The following PCSK7 variants were observed in gnomAD, a reference collection of about 807,000 sequenced individuals.
PCSK7 encodes lymphoma proprotein convertase.
A neutral mutation model predicts 73.3 loss-of-function variants in PCSK7; 38 were observed. The observed-to-expected ratio is 0.52, with a 90% confidence interval of 0.40 to 0.68. The LOEUF (loss-of-function observed/expected upper bound fraction) is 0.68. PCSK7 is among the 30% of genes least tolerant of loss of function. The pLI, the probability that PCSK7 is intolerant of heterozygous loss-of-function variation, is 0.00. For missense variants in PCSK7, 692 were observed against 991.5 expected (o/e 0.70, Z 4.06); for synonymous variants, 296 against 383.8 (o/e 0.77, Z 2.68).
Position 117,218,502 on chromosome 11 carries a change from G to T in PCSK7, c.1498C>A (p.Pro500Thr). 1 of 1,609,996 alleles carries T rather than the reference G, an allele frequency of 6.2e-7. No individual in the cohort carries two copies. Among genetic ancestry groups the T allele is most frequent in the Non-Finnish European group, 8.5e-7 (1 of 1,177,868 alleles). ...ACCTCCAGGGAACGGGGGGACTGCGGAATCGCCTTGTTTTCTTTTAACACG... is the reference window on the plus strand; with the variant it reads ...ACCTCCAGGGAACGGGGGGACTGCGTAATCGCCTTGTTTTCTTTTAACACG... ...SPVLKENKAI[P>T]QSPRSLEVLW... The change falls in exon 12 of 17, where the codon CCG becomes ACG. Residue 500 changes from proline (P) to threonine (T), a missense_variant. By Grantham distance (38) the Pro-to-Thr change is conservative (BLOSUM62 -1). This residue lies in a region of PCSK7 where 574 missense variants were observed against 689.8 expected (regional missense o/e 0.83). Coordinates refer to ENST00000320934, the MANE Select transcript of PCSK7 (RefSeq NM_004716.4). This position sits in a 1 kb window ranked among gnomAD's most constrained non-coding sequence, Gnocchi z 4.0.
rs1208184526 is a variant in PCSK7, at chr11:117,204,533, C to T, written c.*1464G>A. The T allele has an allele frequency of 2.1e-6, 2 of 965,950 alleles. No homozygotes were observed. The highest frequency in any genetic ancestry group is 2.6e-5 in the East Asian group (1 of 38,090). The allele number at this position is 965,950 out of a possible 1,614,324, so 59.8% of individuals were successfully genotyped here. ...GGCAGCTCCTCCCTGTGCCCCCAGC[C>T]TCAGCCCAACTTCTTACCCGAAAGC... On this transcript the variant is annotated 3_prime_UTR_variant, in exon 17 of 17. Coordinates refer to ENST00000320934, the MANE Select transcript of PCSK7 (RefSeq NM_004716.4).
At chr11:117,213,935 T>TTTTTC (rs139694434) in intron 12 of PCSK7, 4 of 145,206 alleles carry the variant, frequency 2.8e-5, no homozygotes, top group Non-Finnish European at 5.9e-5. Flanking sequence ...GCCCATAATC[T>TTTTTC]TTTTCTTTTC....
intron 9 of PCSK7, chr11:117,222,490 G>A (rs1405560694): frequency 6.6e-6 from 1 of 152,090 alleles, no homozygotes; most frequent in African/African-American, 2.4e-5. Flanking sequence ...AGAACTCACA[G>A]TATTTACCTA....
intron 10 of PCSK7, 55 bp downstream of exon 10, chr11:117,219,536 C>T (rs989188480): frequency 2.6e-6 from 4 of 1,546,226 alleles, no homozygotes; most frequent in Middle Eastern, 1.9e-4. Flanking sequence ...CCACCTGATA[C>T]CCGAACTCTG....
chr11:117,220,306 G>A (rs2032141055), intron 9 of PCSK7: 1 of 152,566 alleles, frequency 6.6e-6, no homozygotes, highest in South Asian at 2.1e-4. Context: ...GCAGTGGTAA[G>A]ATCATAGCTC....
At chr11:117,224,989 G>A in intron 6 of PCSK7, 1 of 486,946 alleles carries the variant, frequency 2.1e-6, no homozygotes, top group Non-Finnish European at 3.7e-6. Flanking sequence ...TGTCCCCATA[G>A]CCCATAGTGG....
At chr11:117,230,738 G>A (rs1312296786) in intron 1 of PCSK7, among the ~76,000 whole-genome samples, 3 of 152,176 alleles carry the variant, frequency 2.0e-5, no homozygotes, top group Admixed American at 1.3e-4. Flanking sequence ...AATGCCTCTT[G>A]AAAGAGTAGG....
chr11:117,218,939 T>TC lies in PCSK7; in HGVS notation c.1431+117dup. ...TGGGATGAAGGTTGAAGTTGTTAAA[T>TC]CAATGAACTGAATGAACATTTACTA... On this transcript the variant is annotated intron_variant, in intron 11 of 16. Transcript: ENST00000320934. The surrounding 1 kb of genome is among the most constrained non-coding windows in gnomAD (Gnocchi z 4.0). 1 of 633,842 alleles carries TC rather than the reference T, an allele frequency of 1.6e-6. No individual in the cohort carries two copies. The highest frequency in any genetic ancestry group is 2.7e-6 in the Non-Finnish European group (1 of 365,996). The allele number at this position is 633,842 out of a possible 1,614,324, so 39.3% of individuals were successfully genotyped here.
chr11:117,224,373 T>C (rs2032327707), intron 7 of PCSK7, among the ~76,000 whole-genome samples, 157 bp from the exon 8 acceptor site: 1 of 152,142 alleles, frequency 6.6e-6, no homozygotes, highest in East Asian at 1.9e-4. Flanking sequence ...ACCCCGCATG[T>C]GAGGGAGCTG....
At chr11:117,219,481 GAA>G in intron 10 of PCSK7, 108 bp downstream of exon 10, 1 of 1,082,436 alleles carries the variant, frequency 9.2e-7, no homozygotes, top group Non-Finnish European at 1.3e-6. Context: ...AAGGGACTCT[GAA>G]AGAGACTTAG....
At chr11:117,226,435 C>T (rs890112498) in intron 5 of PCSK7, 5 of 188,888 alleles carry the variant, frequency 2.6e-5, no homozygotes, top group East Asian at 2.6e-4. Context: ...ATAGCCCCCA[C>T]GCCCAGCCCA....
Position 117,224,774 on chromosome 11 carries a change from C to T in PCSK7, c.861-19G>A, listed in dbSNP as rs953645364. The T allele has an allele frequency of 2.5e-6, 4 of 1,602,582 alleles. No individual in the cohort carries two copies. Among genetic ancestry groups the T allele is most frequent in the Non-Finnish European group, 3.4e-6 (4 of 1,170,238 alleles). Reference sequence around the variant, plus strand: ...TCCCCAGCTGTTGAGAAATAAATACCTAGAGGGGACAGCCAGAGCCAGGCT... The same window carrying T: ...TCCCCAGCTGTTGAGAAATAAATACTTAGAGGGGACAGCCAGAGCCAGGCT... On this transcript the variant is annotated intron_variant, in intron 6 of 16. Transcript: ENST00000320934.
intron 4 of PCSK7, 44 bp from the exon 5 acceptor site, chr11:117,227,366 G>A (rs1318126111): frequency 6.8e-7 from 1 of 1,472,050 alleles, no homozygotes; most frequent in Non-Finnish European, 9.5e-7. Flanking sequence ...ACTGGTTAGA[G>A]GGGATCAGGT....
At chr11:117,212,164 G>A (rs2031755910) in intron 12 of PCSK7, 1 of 151,780 alleles carries the variant, frequency 6.6e-6, no homozygotes, top group Non-Finnish European at 1.5e-5. Context: ...CCACCTTTGA[G>A]ATCTACTCCC....
intron 2 of PCSK7, 129 bp downstream of exon 2, chr11:117,230,220 C>T (rs748902646): frequency 4.4e-5 from 9 of 202,574 alleles, no homozygotes; most frequent in Admixed American, 1.7e-4. Context: ...CTGGCTGCAT[C>T]GTGACTGTTC....
At chr11:117,210,927 G>A (rs1591790322) in intron 12 of PCSK7, 1 of 152,014 alleles carries the variant, frequency 6.6e-6, no homozygotes, top group Non-Finnish European at 1.5e-5. Context: ...TAGAGTGAGA[G>A]CCTGTCTCAA....
rs925259956 is a variant in PCSK7 at position 117,205,625 on chromosome 11, A to G, written c.*372T>C. 1 of 250,442 alleles carries G rather than the reference A, an allele frequency of 4.0e-6. No homozygotes were observed. The highest frequency in any genetic ancestry group is 5.9e-5 in the East Asian group (1 of 16,962). The allele number at this position is 250,442 out of a possible 1,614,324, so 15.5% of individuals were successfully genotyped here. A position where few individuals can be genotyped will look rare whatever the true frequency, so the allele number is the denominator to read the frequency against. ...TGACCCCAGTGATGTTTCCATTGAG[A>G]TGCGCTCCTGGCTATGGCAGGCACC... is the stretch of plus-strand genomic sequence containing the variant. On this transcript the variant is annotated 3_prime_UTR_variant, in exon 17 of 17. Coordinates refer to ENST00000320934, the MANE Select transcript of PCSK7 (RefSeq NM_004716.4).
In PCSK7 at chr11:117,229,783, A is replaced by G. The variant is rs1159635673; in HGVS notation, c.62T>C (p.Leu21Pro). 1.2e-6 allele frequency: 2 copies of G among 1,611,256 alleles called. No homozygotes were observed. Among genetic ancestry groups the G allele is most frequent in the Admixed American group, 1.7e-5 (1 of 59,800 alleles). Residue 21 changes from leucine to proline, a missense_variant, in exon 3 of 17, where the codon CTC becomes CCC. Leu to Pro is a moderately conservative substitution (Grantham distance 98, BLOSUM62 -3). Transcript: ENST00000320934. ...GAAGAGCCCGGCTAATTCCAGCCAG[A>G]GGCAGGTGGGCAGGCCCAGGGGGGC... ...LDAPLGLPTC[L>P]WLELAGLFLL...
intron 12 of PCSK7, chr11:117,215,372 G>GTATATATATATATA (rs1342453814): frequency 1.3e-5 from 1 of 79,426 alleles, no homozygotes; most frequent in Admixed American, 1.4e-4. Context: ...ATTTGTGTGT[G>GTATATATATATATA]TGTGTGTGTA....
Sources: gnomAD v4.1 joint callset for allele counts (sites outside exome capture counted in the v4.1 genomes callset) on GRCh38, gnomAD v4.1.1 for gene constraint, gnomAD v4.1.1 regional missense constraint, Gnocchi (gnomAD v3.1) non-coding constraint, MANE v1.5 for transcripts, NCBI Gene and HGNC (gene_info 2026-07-23, HGNC 2026-07-21) for gene names.